The following CCL28 variants were observed in gnomAD, a reference collection of about 807,000 sequenced individuals.
The protein encoded by CCL28 is C-C motif chemokine 28.
A neutral mutation model predicts 7.1 loss-of-function variants in CCL28; 4 were observed. The ratio of observed to expected loss-of-function variants is 0.56; its 90% CI spans 0.28 to 1.29. CCL28 has a LOEUF of 1.29. CCL28 is among the 50% of genes most tolerant of loss of function. The pLI, the probability that CCL28 is intolerant of heterozygous loss-of-function variation, is 0.11. For synonymous variants in CCL28, 55 were observed against 57.8 expected (o/e 0.95, Z 0.22); for missense variants, 151 against 163.4 (o/e 0.92, Z 0.41).
At chr5:43,367,046 C>T in the CCL28 span, among the ~76,000 whole-genome samples, 6 of 151,782 alleles carry the variant, frequency 4.0e-5, no homozygotes, top group African/African-American at 1.4e-4. Flanking sequence ...TGTTTGCATG[C>T]CCACTCAGGC....
chr5:43,363,840 T>C, the CCL28 span, among the ~76,000 whole-genome samples: 1 of 152,250 alleles, frequency 6.6e-6, no homozygotes, highest in South Asian at 2.1e-4. Flanking sequence ...TGCTAACCCA[T>C]AAAGGGGGAG....
At chr5:43,375,484 A>AG (rs1300815499), downstream of CCL28, among the ~76,000 whole-genome samples, 223 of 148,344 alleles carry the variant, frequency 1.5e-3, 1 homozygote, top group African/African-American at 5.5e-3. Flanking sequence ...AAAAAAAAAA[A>AG]AGCCATTGCC....
chr5:43,362,369 G>A, the CCL28 span, among the ~76,000 whole-genome samples: 2 of 152,094 alleles, frequency 1.3e-5, no homozygotes, highest in Admixed American at 1.3e-4. Flanking sequence ...TTGTTTATCA[G>A]CATAAGAAGC....
In CCL28 at chr5:43,412,284, C is replaced by A. The variant is rs1207509591; in HGVS notation, c.33G>T (p.Leu11Phe). 6.2e-7 allele frequency: 1 copy of A among 1,613,048 alleles called. No homozygotes were observed. Among genetic ancestry groups the A allele is most frequent in the Non-Finnish European group, 8.5e-7 (1 of 1,179,522 alleles). Residue 11 changes from leucine (L) to phenylalanine (F), a missense_variant, in exon 1 of 3, where the codon TTG becomes TTT. Leu to Phe is a conservative substitution (Grantham distance 22). Coordinates refer to ENST00000361115, the MANE Select transcript of CCL28 (RefSeq NM_148672.3). ...AGGCATGTAGGGCCGCACAGACAGC[C>A]AAGGCCACGATGGCGAGTCCTCTCT... is the stretch of plus-strand genomic sequence containing the variant. MQQRGLAIVA[L>F]AVCAALHASE...
intron 1 of CCL28, among the ~76,000 whole-genome samples, chr5:43,393,346 GTTTT>G (rs10716059): frequency 6.9e-6 from 1 of 145,778 alleles, no homozygotes; most frequent in African/African-American, 2.5e-5. Flanking sequence ...CCTTTCTTCC[GTTTT>G]TTTTTTTCTT....
intron 2 of CCL28, among the ~76,000 whole-genome samples, chr5:43,386,306 C>A (rs993136716): frequency 6.6e-6 from 1 of 152,196 alleles, no homozygotes; most frequent in African/African-American, 2.4e-5. Context: ...CTGGTAGAAT[C>A]TTGGCCAGAC....
chr5:43,400,438 T>C (rs1392260213), intron 1 of CCL28, among the ~76,000 whole-genome samples: 2 of 152,118 alleles, frequency 1.3e-5, no homozygotes, highest in Admixed American at 6.6e-5. Flanking sequence ...CTCCCACCTT[T>C]GTCTCCCCAA....
At chr5:43,358,315 G>A in the CCL28 span, among the ~76,000 whole-genome samples, 2 of 152,144 alleles carry the variant, frequency 1.3e-5, no homozygotes, top group Admixed American at 6.5e-5. Flanking sequence ...CTGAACAGAG[G>A]AAATTGGCTT....
chr5:43,361,656 G>T, the CCL28 span, among the ~76,000 whole-genome samples: 2 of 152,040 alleles, frequency 1.3e-5, no homozygotes, highest in Non-Finnish European at 1.5e-5. Flanking sequence ...ATCTTGAGTT[G>T]ATTTTTATAT....
chr5:43,407,481 C>T (rs978368956), intron 1 of CCL28, among the ~76,000 whole-genome samples: 1 of 152,142 alleles, frequency 6.6e-6, no homozygotes, highest in Non-Finnish European at 1.5e-5. Context: ...ACACCTTATA[C>T]AAAAATTAAT....
rs748953326 is a variant in CCL28 at position 43,381,867 on chromosome 5, G to T, written c.377C>A (p.Pro126His). 13 of 1,612,830 alleles carry T rather than the reference G, an allele frequency of 8.1e-6. No individual in the cohort carries two copies. In the Admixed American group the frequency reaches 1.8e-4, roughly 23 times the overall value. The stretch of plus-strand genomic sequence containing the variant: ...GATTTATCTGTAGACTCTCTAATAA[G>T]GAGTTTTATGGCCGTATGTTTCGTG... ...GKHETYGHKT[P>H]Y is the part of the protein sequence containing the mutation. Residue 126 changes from proline (P) to histidine (H), a missense_variant, in exon 3 of 3, where the codon CCT becomes CAT. By Grantham distance (77) the Pro-to-His change is moderately conservative (BLOSUM62 -2). Coordinates refer to ENST00000361115, the MANE Select transcript of CCL28 (RefSeq NM_148672.3).
chr5:43,365,246 AC>A, the CCL28 span, among the ~76,000 whole-genome samples: 1 of 152,002 alleles, frequency 6.6e-6, no homozygotes, highest in African/African-American at 2.4e-5. Flanking sequence ...CTTGTGATCC[AC>A]CCACCTCAGC....
At chr5:43,361,988 C>T in the CCL28 span, among the ~76,000 whole-genome samples, 100 of 151,666 alleles carry the variant, frequency 6.6e-4, no homozygotes, top group Non-Finnish European at 9.7e-4. Context: ...GGCTCTTTTT[C>T]GGTTCCATAT....
At chr5:43,407,974 C>A (rs779853) in intron 1 of CCL28, among the ~76,000 whole-genome samples, 8 of 152,176 alleles carry the variant, frequency 5.3e-5, no homozygotes, top group East Asian at 3.9e-4. Context: ...GGCAATCATT[C>A]AAAAGTCAGG....
At chr5:43,408,052 C>T (rs555266036) in intron 1 of CCL28, among the ~76,000 whole-genome samples, 2 of 152,318 alleles carry the variant, frequency 1.3e-5, no homozygotes, top group East Asian at 3.9e-4. Flanking sequence ...GGACTCTAAA[C>T]TAGTTCAACA....
At chr5:43,382,352 A>C (rs1361158304) in intron 2 of CCL28, among the ~76,000 whole-genome samples, 1 of 152,190 alleles carries the variant, frequency 6.6e-6, no homozygotes, top group African/African-American at 2.4e-5. Context: ...AGGAGGGAGA[A>C]AAAAGAGGAA....
the CCL28 span, among the ~76,000 whole-genome samples, chr5:43,367,159 C>G: frequency 6.6e-6 from 1 of 152,232 alleles, no homozygotes; most frequent in South Asian, 2.1e-4. Flanking sequence ...TGGATATTAG[C>G]TTGCTGGGCT....
intron 2 of CCL28, among the ~76,000 whole-genome samples, chr5:43,385,450 G>A (rs1053509443): frequency 2.0e-5 from 3 of 152,204 alleles, no homozygotes; most frequent in Admixed American, 2.0e-4. Flanking sequence ...CATTTCCAGT[G>A]TTAGCAATGC....
chr5:43,376,476 A>T (rs1739889740), downstream of CCL28, among the ~76,000 whole-genome samples: 1 of 152,232 alleles, frequency 6.6e-6, no homozygotes, highest in Non-Finnish European at 1.5e-5. Context: ...GCCCTAAGCA[A>T]AACAGGAAAG....
Sources: gnomAD v4.1 joint callset for allele counts (sites outside exome capture counted in the v4.1 genomes callset) on GRCh38, gnomAD v4.1.1 for gene constraint, MANE v1.5 for transcripts, NCBI Gene and HGNC (gene_info 2026-07-23, HGNC 2026-07-21) for gene names.